Variants in INTS7 observed in about 807,000 individuals in gnomAD.
The protein encoded by INTS7 is chromosome 1 open reading frame 73.
INTS7 carries 46 observed loss-of-function variants against 109.2 expected under a neutral mutation model. The ratio of observed to expected loss-of-function variants is 0.42; its 90% CI spans 0.33 to 0.54. The LOEUF (loss-of-function observed/expected upper bound fraction) is 0.54, where lower values mean the gene tolerates loss of function less well. Among genes scored for constraint, INTS7 ranks in the 20% least tolerant of loss-of-function variants. The pLI, the probability that INTS7 is intolerant of heterozygous loss-of-function variation, is 0.07. For missense variants in INTS7, 929 were observed against 1,132.4 expected (o/e 0.82, Z 2.58); for synonymous variants, 412 against 402.9 (o/e 1.02, Z -0.27).
chr1:211,951,221 A>T (rs764120292), intron 17 of INTS7, among the ~76,000 whole-genome samples: 8 of 152,186 alleles, frequency 5.3e-5, no homozygotes, highest in Non-Finnish European at 1.2e-4. Context: ...GTTCCCCCAA[A>T]TTCGTATGTG....
intron 7 of INTS7, among the ~76,000 whole-genome samples, chr1:211,998,096 C>T (rs1288683104): frequency 6.6e-6 from 1 of 152,160 alleles, no homozygotes; most frequent in Non-Finnish European, 1.5e-5. Flanking sequence ...GTAGCTAGGA[C>T]TGTAAGTGTA....
In INTS7 at chr1:211,946,235, C is replaced by A. The variant is rs2102379356; in HGVS notation, c.2415+372G>T. 6.6e-6 allele frequency among the ~76,000 whole-genome samples: 1 copy of A among 152,318 alleles called. No individual in the cohort carries two copies. Among genetic ancestry groups the A allele is most frequent in the South Asian group, 2.1e-4 (1 of 4,828 alleles). Reference sequence around the variant, plus strand: ...CAGTGGCTCATGCCTGTAATCCCAGCACTTTGGGAGGCAGAGGTGGGTGGA... The same window carrying A: ...CAGTGGCTCATGCCTGTAATCCCAGAACTTTGGGAGGCAGAGGTGGGTGGA... On this transcript the variant is annotated intron_variant, in intron 18 of 19. Transcript: ENST00000366994. This position sits in a 1 kb window ranked among gnomAD's most constrained non-coding sequence, Gnocchi z 4.3.
At chr1:211,980,804 A>T (rs1195721166) in intron 10 of INTS7, among the ~76,000 whole-genome samples, 1 of 152,170 alleles carries the variant, frequency 6.6e-6, no homozygotes, top group Non-Finnish European at 1.5e-5. Flanking sequence ...TGAAGGTGAA[A>T]ATTCCTTAAA....
At chr1:211,968,831 A>G in intron 13 of INTS7, 124 bp from the exon 14 acceptor site, 1 of 600,940 alleles carries the variant, frequency 1.7e-6, no homozygotes, top group African/African-American at 1.8e-5. Flanking sequence ...TGACGGATAA[A>G]GACCTAAATG....
intron 7 of INTS7, among the ~76,000 whole-genome samples, chr1:211,992,225 T>C (rs573178531): frequency 1.3e-5 from 2 of 152,184 alleles, no homozygotes; most frequent in Non-Finnish European, 2.9e-5. Flanking sequence ...AACTATGTTC[T>C]ATATTTATAT....
intron 16 of INTS7, among the ~76,000 whole-genome samples, chr1:211,963,390 A>T (rs1663731567): frequency 1.3e-5 from 2 of 152,156 alleles, no homozygotes; most frequent in African/African-American, 4.8e-5. Context: ...AGATGGATTC[A>T]CAGTCAAACT....
chr1:212,033,720 T>A (rs1015498413), intron 1 of INTS7, among the ~76,000 whole-genome samples: 18 of 152,168 alleles, frequency 1.2e-4, no homozygotes, highest in Admixed American at 6.5e-5. Flanking sequence ...TTAGATATTA[T>A]CCTGACCTGT....
At chr1:212,011,164 CCT>C (rs139912792) in intron 5 of INTS7, among the ~76,000 whole-genome samples, 4,221 of 152,252 alleles carry the variant, frequency 0.028, 82 homozygotes, top group Non-Finnish European at 0.04. Context: ...ACACCCCACC[CCT>C]GACTAGAGTG....
At position 211,952,428 on chromosome 1, in the gene INTS7, G is replaced by C; in HGVS notation, c.2316+141C>G. ...CATTTACTCCCCACTACAATGCTGTGAGGTAGGTATTAACCCTGTTTTATG... is the reference window on the plus strand; with the variant it reads ...CATTTACTCCCCACTACAATGCTGTCAGGTAGGTATTAACCCTGTTTTATG... On this transcript the variant is annotated intron_variant, in intron 17 of 19. Transcript: ENST00000366994. 4 of 706,958 alleles carry C rather than the reference G, an allele frequency of 5.7e-6. No individual in the cohort carries two copies. The South Asian group carries it at 7.9e-5, about 14-fold the overall frequency. The allele number at this position is 706,958 out of a possible 1,614,324, so 43.8% of individuals were successfully genotyped here.
chr1:212,016,801 G>T, intron 4 of INTS7, 85 bp downstream of exon 4: 1 of 1,051,542 alleles, frequency 9.5e-7, no homozygotes, highest in African/African-American at 1.7e-5. Context: ...ATCTCTCAGT[G>T]TTTATATAAG....
chr1:211,987,544 AC>A (rs1664946251), intron 8 of INTS7, among the ~76,000 whole-genome samples: 1 of 152,140 alleles, frequency 6.6e-6, no homozygotes, highest in Non-Finnish European at 1.5e-5. Flanking sequence ...CTACTACTTG[AC>A]CTTTGAAATG....
At chr1:212,023,119 T>C (rs1298205784) in intron 1 of INTS7, among the ~76,000 whole-genome samples, 1 of 152,246 alleles carries the variant, frequency 6.6e-6, no homozygotes, top group East Asian at 1.9e-4. Context: ...TTCCATGGTA[T>C]ATATGTACCA....
chr1:211,976,696 A>G lies in INTS7; in HGVS notation c.1494T>C (p.Phe498=). The change falls in exon 12 of 20, where the codon TTT becomes TTC. Residue 498 remains phenylalanine, a synonymous_variant. Coordinates refer to ENST00000366994, the MANE Select transcript of INTS7 (RefSeq NM_015434.4). ...CAGACAATGCCTTCTGACTTGCAAC[A>G]AAAATCACAGTAGCCAAACTCACCT... ...ELLVSLATVI[F]VASQKALSVE... is the part of the protein sequence containing the mutation. The G allele has an allele frequency of 6.2e-7, 1 of 1,614,024 alleles. No homozygotes were observed. The highest frequency in any genetic ancestry group is 8.5e-7 in the Non-Finnish European group (1 of 1,179,884).
At chr1:212,034,711 AGAC>A (rs1235656256) in intron 1 of INTS7, among the ~76,000 whole-genome samples, 4 of 152,204 alleles carry the variant, frequency 2.6e-5, no homozygotes, top group African/African-American at 9.7e-5. Context: ...CCCACTTTGC[AGAC>A]GACAAGCCGA....
At chr1:212,007,180 C>A in intron 6 of INTS7, 70 bp downstream of exon 6, 1 of 1,113,444 alleles carries the variant, frequency 9.0e-7, no homozygotes, top group Non-Finnish European at 1.3e-6. Context: ...GGGCCACTTT[C>A]TTATTTCTAA....
intron 16 of INTS7, among the ~76,000 whole-genome samples, chr1:211,954,121 G>A (rs935367378): frequency 2.0e-5 from 3 of 152,176 alleles, no homozygotes; most frequent in African/African-American, 7.2e-5. Context: ...ATCTCATTGT[G>A]GTTTTGACTT....
intron 5 of INTS7, 64 bp downstream of exon 5, chr1:212,011,311 T>C (rs1558052642): frequency 2.4e-6 from 2 of 818,350 alleles, no homozygotes; most frequent in Non-Finnish European, 4.0e-6. Context: ...AGTACTTAAT[T>C]AGTGTTAGCA....
chr1:212,020,403 A>T, intron 2 of INTS7, 135 bp from the exon 3 acceptor site: 1 of 629,708 alleles, frequency 1.6e-6, no homozygotes, highest in Non-Finnish European at 2.7e-6. Flanking sequence ...TAACTACTAA[A>T]AGAGTTAAAG....
intron 17 of INTS7, among the ~76,000 whole-genome samples, chr1:211,948,943 G>C (rs1662963483): frequency 6.6e-6 from 1 of 152,324 alleles, no homozygotes; most frequent in South Asian, 2.1e-4. Flanking sequence ...CTGACCTCGT[G>C]ATCCACCCGC....
Sources: gnomAD v4.1 joint callset for allele counts (sites outside exome capture counted in the v4.1 genomes callset) on GRCh38, gnomAD v4.1.1 for gene constraint, Gnocchi (gnomAD v3.1) non-coding constraint, MANE v1.5 for transcripts, NCBI Gene and HGNC (gene_info 2026-07-23, HGNC 2026-07-21) for gene names.